Variants in VRK2 observed in about 807,000 individuals in gnomAD.
VRK2 encodes VRK serine/threonine kinase 2, also known as serine/threonine-protein kinase VRK2.
A neutral mutation model predicts 57.6 loss-of-function variants in VRK2; 60 were observed. The ratio of observed to expected loss-of-function variants is 1.04; its 90% CI spans 0.85 to 1.29. The LOEUF (loss-of-function observed/expected upper bound fraction) is 1.29. VRK2 is among the 50% of genes most tolerant of loss of function. The pLI is 0.00. For missense variants in VRK2, 705 were observed against 588.1 expected, an observed-to-expected ratio of 1.20 and a Z score of -2.06; for synonymous variants, 231 against 199.2, an observed-to-expected ratio of 1.16 and a Z score of -1.35.
At chr2:57,984,242 A>C (rs1672523283) in intron 1 of VRK2, among the ~76,000 whole-genome samples, 1 of 152,140 alleles carries the variant, frequency 6.6e-6, no homozygotes, top group Non-Finnish European at 1.5e-5. Flanking sequence ...TTTTAAAGTG[A>C]CAATCAAGAA....
intron 1 of VRK2, among the ~76,000 whole-genome samples, chr2:57,963,317 T>C (rs757897621): frequency 1.3e-5 from 2 of 152,258 alleles, no homozygotes; most frequent in Non-Finnish European, 2.9e-5. Flanking sequence ...ATTTGTGTGC[T>C]ATTCATTCCC....
At chr2:57,907,876 G>A (rs908730) in intron 1 of VRK2, 97,437 of 151,690 alleles carry the variant, frequency 0.64, 31,621 homozygotes, top group African/African-American at 0.75. Flanking sequence ...CGAATGTCTC[G>A]ATTTCTTTTT....
chr2:58,024,476 A>G (rs1350028873), intron 1 of VRK2, among the ~76,000 whole-genome samples: 4 of 152,212 alleles, frequency 2.6e-5, no homozygotes, highest in African/African-American at 9.6e-5. Context: ...GGAACTCTAA[A>G]TTCAGTTAAT....
chr2:58,028,903 A>AATAAATATATAT (rs1553378204), intron 2 of VRK2, among the ~76,000 whole-genome samples: 5 of 54,020 alleles, frequency 9.3e-5, no homozygotes, highest in Non-Finnish European at 1.4e-4. Context: ...TAAATAAATA[A>AATAAATATATAT]ATATATATAT....
At position 58,059,258 on chromosome 2, in the gene VRK2, A is replaced by G. The variant is rs572190511; in HGVS notation, c.136+10291A>G. On this transcript the variant is annotated intron_variant, in intron 2 of 12. Coordinates refer to ENST00000340157, the MANE Select transcript of VRK2 (RefSeq NM_006296.7). Reference sequence around the variant, plus strand: ...GAATAGTCATCCAATAGTTCATGCAATCTGATGAGAAAGATTTGTTGGATT... The same window carrying G: ...GAATAGTCATCCAATAGTTCATGCAGTCTGATGAGAAAGATTTGTTGGATT... 1.1e-3 allele frequency among the ~76,000 whole-genome samples: 173 copies of G among 152,172 alleles called. 1 individual carries two copies. Among genetic ancestry groups the G allele is most frequent in the African/African-American group, 4.0e-3 (166 of 41,554 alleles).
chr2:58,007,802 A>C (rs2103639704), intron 1 of VRK2, among the ~76,000 whole-genome samples: 1 of 152,222 alleles, frequency 6.6e-6, no homozygotes, highest in East Asian at 1.9e-4. Context: ...AAAACTTTAA[A>C]ATAAAATTTT....
chr2:58,109,996 AAAG>A (rs1675322424), intron 7 of VRK2, among the ~76,000 whole-genome samples: 1 of 152,250 alleles, frequency 6.6e-6, no homozygotes, highest in South Asian at 2.1e-4. Context: ...ATCAGGAAGC[AAAG>A]AAGACTGGAA....
chr2:58,049,076 T>G lies in VRK2; in HGVS notation c.136+109T>G, dbSNP rs753114807. ...TATGGAATTCATATGTGTACTTTAT[T>G]AAAATTCATGATTGTACTCGATTAA... On this transcript the variant is annotated intron_variant, in intron 2 of 12. Coordinates refer to ENST00000340157, the MANE Select transcript of VRK2 (RefSeq NM_006296.7). The G allele has an allele frequency of 1.8e-4, 248 of 1,341,422 alleles. 3 individuals are homozygous for G. The highest frequency in any genetic ancestry group is 1.1e-4 in the Non-Finnish European group (109 of 992,914). The allele number at this position is 1,341,422 out of a possible 1,614,324, so 83.1% of individuals were successfully genotyped here. A position where few individuals can be genotyped will look rare whatever the true frequency, so the allele number is the denominator to read the frequency against.
chr2:58,018,426 G>A (rs1012985822), intron 1 of VRK2, among the ~76,000 whole-genome samples: 2 of 152,138 alleles, frequency 1.3e-5, no homozygotes, highest in Non-Finnish European at 2.9e-5. Flanking sequence ...TCATGTATGT[G>A]AGTGTTTGCC....
intron 7 of VRK2, among the ~76,000 whole-genome samples, chr2:58,118,932 C>T (rs1326320250): frequency 6.6e-6 from 1 of 151,940 alleles, no homozygotes; most frequent in Admixed American, 6.6e-5. Flanking sequence ...GCTTCTGAGC[C>T]AGGAGAAGGA....
chr2:57,918,638 T>C (rs772184205), intron 1 of VRK2, among the ~76,000 whole-genome samples: 2 of 152,138 alleles, frequency 1.3e-5, no homozygotes, highest in Admixed American at 1.3e-4. Context: ...AGCACCCATC[T>C]AAGCAGTTCC....
chr2:58,001,719 G>A (rs2103624861), intron 1 of VRK2, among the ~76,000 whole-genome samples: 1 of 152,210 alleles, frequency 6.6e-6, no homozygotes, highest in South Asian at 2.1e-4. Flanking sequence ...CTACTTGGGA[G>A]GCTGAGGCAG....
intron 7 of VRK2, among the ~76,000 whole-genome samples, chr2:58,117,679 G>C (rs1331060560): frequency 2.0e-5 from 3 of 152,168 alleles, no homozygotes; most frequent in African/African-American, 7.2e-5. Context: ...TTTAGATCTT[G>C]TAGGATGGAA....
chr2:58,101,311 T>C (rs970672891), intron 7 of VRK2, among the ~76,000 whole-genome samples: 2 of 151,700 alleles, frequency 1.3e-5, no homozygotes, highest in Non-Finnish European at 3.0e-5. Flanking sequence ...GACTATCACT[T>C]TTAAATTTTT....
At chr2:58,005,318 C>T (rs1673208632) in intron 1 of VRK2, among the ~76,000 whole-genome samples, 1 of 151,988 alleles carries the variant, frequency 6.6e-6, no homozygotes, top group Admixed American at 6.6e-5. Context: ...TCTGTGGTTA[C>T]AAAAGTAATG....
At chr2:57,983,928 A>G (rs1337205025) in intron 1 of VRK2, among the ~76,000 whole-genome samples, 1 of 152,222 alleles carries the variant, frequency 6.6e-6, no homozygotes, top group African/African-American at 2.4e-5. Flanking sequence ...TTGATATAAC[A>G]GCTTTGAGGG....
intron 2 of VRK2, among the ~76,000 whole-genome samples, chr2:58,054,131 G>T (rs995480482): frequency 1.3e-5 from 2 of 151,966 alleles, no homozygotes; most frequent in East Asian, 1.9e-4. Context: ...AAGAAATCTG[G>T]GTGTTTAAGA....
intron 12 of VRK2, chr2:58,154,743 C>CT: frequency 1.4e-6 from 1 of 716,806 alleles, no homozygotes; most frequent in Non-Finnish European, 2.6e-6. Flanking sequence ...ATTTTCTTCC[C>CT]TTTTTTCCAG....
intron 2 of VRK2, among the ~76,000 whole-genome samples, chr2:58,081,857 C>CGTGT (rs369430200): frequency 0.11 from 15,396 of 142,096 alleles, 835 homozygotes; most frequent in Non-Finnish European, 0.12. Flanking sequence ...ATACCATGTC[C>CGTGT]GTGTGTGTGT....
Sources: gnomAD v4.1 joint callset for allele counts (sites outside exome capture counted in the v4.1 genomes callset) on GRCh38, gnomAD v4.1.1 for gene constraint, MANE v1.5 for transcripts, NCBI Gene and HGNC (gene_info 2026-07-23, HGNC 2026-07-21) for gene names.